The following DPH6 variants were observed in gnomAD, a reference collection of about 807,000 sequenced individuals.
DPH6 encodes diphthine--ammonia ligase.
A neutral mutation model predicts 38.2 loss-of-function variants in DPH6; 33 were observed. The observed-to-expected ratio is 0.86, with a 90% confidence interval of 0.65 to 1.15. DPH6 has a LOEUF of 1.15. DPH6 is among the 50% of genes most tolerant of loss of function. DPH6 has a pLI of 0.00. For synonymous variants in DPH6, 108 were observed against 103.0 expected (o/e 1.05, Z -0.30); for missense variants, 325 against 320.0 (o/e 1.02, Z -0.12).
intron 3 of DPH6, among the ~76,000 whole-genome samples, chr15:35,486,286 C>G (rs1218172090): frequency 2.6e-5 from 4 of 152,052 alleles, no homozygotes; most frequent in African/African-American, 9.7e-5. Context: ...TGGTCCCACC[C>G]TTGACACATG....
chr15:35,200,183 T>C, the DPH6 span, among the ~76,000 whole-genome samples: 1 of 152,102 alleles, frequency 6.6e-6, no homozygotes, highest in Non-Finnish European at 1.5e-5. Flanking sequence ...GAGAGAGAGT[T>C]TGGAACAATA....
In DPH6 at chr15:35,543,258, TAATATATATA is replaced by T. The variant is rs1288803045; in HGVS notation, c.24-761_24-752del. On this transcript the variant is annotated intron_variant, in intron 1 of 8. Transcript: ENST00000256538. The stretch of plus-strand genomic sequence containing the variant: ...CATACATATAGTACACACATACACA[TAATATATATA>T]TATATATATATATATATATATATAT... 5.2e-3 allele frequency among the ~76,000 whole-genome samples: 479 copies of T among 92,616 alleles called. 15 individuals are homozygous for T. Among genetic ancestry groups the T allele is most frequent in the African/African-American group, 0.018 (408 of 22,350 alleles). The allele number at this position is 92,616 out of a possible 152,430, so 60.8% of individuals were successfully genotyped here.
intron 6 of DPH6, among the ~76,000 whole-genome samples, chr15:35,388,351 C>T (rs2053002059): frequency 6.6e-6 from 1 of 152,126 alleles, no homozygotes; most frequent in African/African-American, 2.4e-5. Context: ...ATGATGGTGG[C>T]CTCATAAAAT....
the DPH6 span, among the ~76,000 whole-genome samples, chr15:35,177,580 CAAA>C: frequency 5.0e-5 from 3 of 60,246 alleles, no homozygotes; most frequent in African/African-American, 6.8e-5. Context: ...ATCCCATCTC[CAAA>C]AAAAAAAAAA....
chr15:35,503,570 A>G (rs904960519), intron 3 of DPH6, among the ~76,000 whole-genome samples: 2 of 152,076 alleles, frequency 1.3e-5, no homozygotes, highest in South Asian at 2.1e-4. Context: ...ACATACCCTT[A>G]TTCTTCTATT....
intron 5 of DPH6, among the ~76,000 whole-genome samples, chr15:35,436,514 C>CAAAAAAAAAAAAA (rs1277172991): frequency 8.1e-6 from 1 of 123,200 alleles, no homozygotes; most frequent in Non-Finnish European, 1.6e-5. Flanking sequence ...CAAAACAAAA[C>CAAAAAAAAAAAAA]AAAAAAGGTT....
chr15:35,272,254 G>A (rs1419882575), intron 3 of DPH6, among the ~76,000 whole-genome samples: 1 of 152,114 alleles, frequency 6.6e-6, no homozygotes, highest in African/African-American at 2.4e-5. Flanking sequence ...ATGTATATAG[G>A]TTATGTGCAG....
chr15:35,286,363 C>T (rs957922459), intron 3 of DPH6, among the ~76,000 whole-genome samples: 2 of 152,206 alleles, frequency 1.3e-5, no homozygotes, highest in Admixed American at 6.5e-5. Flanking sequence ...GCCATTAACT[C>T]TGGATGAGGT....
the DPH6 span, among the ~76,000 whole-genome samples, chr15:35,146,845 A>T: frequency 6.6e-6 from 1 of 152,134 alleles, no homozygotes. Context: ...ATCACCCAAC[A>T]TGTCACCAAG....
At chr15:35,290,153 A>G (rs2140444853) in intron 3 of DPH6, among the ~76,000 whole-genome samples, 1 of 152,354 alleles carries the variant, frequency 6.6e-6, no homozygotes, top group East Asian at 1.9e-4. Flanking sequence ...TCTGTGCCTT[A>G]ATGGAATGTT....
the DPH6 span, among the ~76,000 whole-genome samples, chr15:35,170,353 T>G: frequency 6.6e-6 from 1 of 152,050 alleles, no homozygotes; most frequent in Non-Finnish European, 1.5e-5. Flanking sequence ...CACACTGGAG[T>G]GTTTCTGTCT....
intron 3 of DPH6, among the ~76,000 whole-genome samples, chr15:35,249,856 A>C (rs760279261): frequency 1.3e-5 from 2 of 152,148 alleles, no homozygotes; most frequent in Non-Finnish European, 2.9e-5. Flanking sequence ...CAGTTAACCA[A>C]CTTCTGATAA....
intron 3 of DPH6, among the ~76,000 whole-genome samples, chr15:35,229,328 C>CTTGG (rs1555388073): frequency 1.3e-5 from 2 of 151,686 alleles, no homozygotes; most frequent in South Asian, 2.1e-4. Flanking sequence ...TATTAAAAGA[C>CTTGG]TCGGATGTAT....
chr15:35,413,365 CTAA>C (rs557001900), intron 5 of DPH6, among the ~76,000 whole-genome samples: 97 of 151,510 alleles, frequency 6.4e-4, no homozygotes, highest in African/African-American at 2.2e-3. Flanking sequence ...CCATCAGTTT[CTAA>C]TAATAAGATT....
intron 5 of DPH6, among the ~76,000 whole-genome samples, chr15:35,439,343 G>A (rs1331442351): frequency 1.3e-5 from 2 of 152,184 alleles, no homozygotes; most frequent in African/African-American, 2.4e-5. Context: ...TTAATAGAGT[G>A]GGGTATACTC....
intron 6 of DPH6, chr15:35,400,773 G>A: frequency 1.3e-6 from 1 of 755,220 alleles, no homozygotes; most frequent in Non-Finnish European, 2.4e-6. Context: ...CAACCGATGA[G>A]AGCCCGAGGA....
intron 3 of DPH6, among the ~76,000 whole-genome samples, chr15:35,311,122 A>C (rs2052138545): frequency 6.6e-6 from 1 of 152,030 alleles, no homozygotes. Flanking sequence ...AGTTATACTA[A>C]AAGAGATTGG....
intron 3 of DPH6, among the ~76,000 whole-genome samples, chr15:35,363,138 T>A (rs995464449): frequency 2.0e-5 from 3 of 152,202 alleles, no homozygotes; most frequent in African/African-American, 7.2e-5. Flanking sequence ...TGTGTTTCTA[T>A]GTTTGTAGGG....
At chr15:35,228,582 T>A (rs866197314) in intron 3 of DPH6, among the ~76,000 whole-genome samples, 1 of 152,118 alleles carries the variant, frequency 6.6e-6, no homozygotes, top group Non-Finnish European at 1.5e-5. Flanking sequence ...CACGTGCCAC[T>A]ATGCCTGGCT....
Sources: allele counts gnomAD v4.1 joint callset (sites outside exome capture counted in the v4.1 genomes callset), GRCh38; gene constraint gnomAD v4.1.1; transcripts MANE v1.5; gene names NCBI Gene and HGNC (gene_info 2026-07-23, HGNC 2026-07-21).